The following CCSAP variants were observed in gnomAD, a reference collection of about 807,000 sequenced individuals.
CCSAP encodes the protein centriole, cilia and spindle associated protein, also known as centriole, cilia and spindle-associated protein.
A neutral mutation model predicts 25.9 loss-of-function variants in CCSAP; 17 were observed. The observed-to-expected ratio is 0.66, with a 90% CI of 0.45 to 0.99. The LOEUF (loss-of-function observed/expected upper bound fraction) is 0.99, where lower values mean the gene tolerates loss of function less well. Among genes scored for constraint, CCSAP ranks in the 50% least tolerant of loss-of-function variants. CCSAP has a pLI of 0.00. For missense variants in CCSAP, 339 were observed against 367.8 expected (o/e 0.92, Z 0.64); for synonymous variants, 169 against 157.1 (o/e 1.08, Z -0.57).
intron 3 of CCSAP, among the ~76,000 whole-genome samples, chr1:229,326,397 C>CACTGGA (rs1657941004): frequency 6.6e-6 from 1 of 152,206 alleles, no homozygotes; most frequent in Non-Finnish European, 1.5e-5. Flanking sequence ...CCAGATGGGC[C>CACTGGA]GTCGCCAGCC....
chr1:229,330,800 G>A (rs186528501), intron 2 of CCSAP, among the ~76,000 whole-genome samples: 54 of 150,282 alleles, frequency 3.6e-4, no homozygotes, highest in Admixed American at 6.0e-4. Flanking sequence ...AGCCGAGATC[G>A]TGCCACTGCA....
chr1:229,329,117 G>A (rs1235449452), intron 2 of CCSAP, among the ~76,000 whole-genome samples: 1 of 152,216 alleles, frequency 6.6e-6, no homozygotes, highest in Non-Finnish European at 1.5e-5. Flanking sequence ...AAAGAGAAGT[G>A]GGGAAGTGCA....
chr1:229,333,276 CA>C (rs373886100), intron 2 of CCSAP, among the ~76,000 whole-genome samples: 11,008 of 151,524 alleles, frequency 0.073, 534 homozygotes, highest in Middle Eastern at 0.14. Flanking sequence ...ACTAAAAATA[CA>C]AAAAAATTAG....
In CCSAP at chr1:229,342,127, G is replaced by T. The variant is rs749657408; in HGVS notation, c.339C>A (p.Ala113=). Residue 113 remains alanine, a synonymous_variant, in exon 2 of 4, where the codon GCC becomes GCA. Coordinates refer to ENST00000284617, the MANE Select transcript of CCSAP (RefSeq NM_145257.5). This position sits in a 1 kb window ranked among gnomAD's most constrained non-coding sequence, Gnocchi z 7.5. The stretch of plus-strand genomic sequence containing the variant: ...GCAGAGCCGCGTCCTCCGCGTCCTC[G>T]GCCTCCGCGTCCCCGGCCTCCGCGT... ...EQDAEAGDAE[A]EDAEDAALPA... 3.7e-6 allele frequency: 5 copies of T among 1,341,820 alleles called. No homozygotes were observed. In the South Asian group the frequency reaches 8.3e-5, roughly 22 times the overall value. The allele number at this position is 1,341,820 out of a possible 1,614,324, so 83.1% of individuals were successfully genotyped here.
intron 2 of CCSAP, among the ~76,000 whole-genome samples, chr1:229,337,704 T>C (rs866349071): frequency 5.2e-5 from 3 of 57,410 alleles, no homozygotes; most frequent in Admixed American, 2.0e-4. Context: ...TATATACACA[T>C]ACATATATAT....
intron 2 of CCSAP, among the ~76,000 whole-genome samples, chr1:229,333,263 T>A (rs1658118402): frequency 6.6e-6 from 1 of 151,122 alleles, no homozygotes; most frequent in Non-Finnish European, 1.5e-5. Flanking sequence ...AAACCCCGTC[T>A]CTACTAAAAA....
Position 229,342,557 on chromosome 1 carries a change from G to T in CCSAP, c.-48-44C>A. ...GACACAGAGGCCGCCCCGCCCCTCCGCCGGCCCTGCCCGCCGCGACGTTTA... is the reference window on the plus strand; with the variant it reads ...GACACAGAGGCCGCCCCGCCCCTCCTCCGGCCCTGCCCGCCGCGACGTTTA... On this transcript the variant is annotated intron_variant, in intron 1 of 3. Transcript: ENST00000284617. The surrounding 1 kb of genome is among the most constrained non-coding windows in gnomAD (Gnocchi z 7.5). 1.2e-6 allele frequency: 1 copy of T among 857,440 alleles called. No individual in the cohort carries two copies. The highest frequency in any genetic ancestry group is 1.8e-5 in the African/African-American group (1 of 56,970). 53.1% of individuals were successfully genotyped at this position (857,440 alleles called of 1,614,324 possible).
In CCSAP at chr1:229,342,454, C is replaced by A. The variant is rs758851743; in HGVS notation, c.12G>T (p.Gly4=). The part of the protein sequence containing the change: MSP[G]SGVKSEYMKR... ...TCATGTACTCGCTCTTCACCCCGCTCCCCGGGGACATGGTGCCGTCCGCCG... is the reference window on the plus strand; with the variant it reads ...TCATGTACTCGCTCTTCACCCCGCTACCCGGGGACATGGTGCCGTCCGCCG... Residue 4 remains glycine, a synonymous_variant, in exon 2 of 4, where the codon GGG becomes GGT. Coordinates refer to ENST00000284617, the MANE Select transcript of CCSAP (RefSeq NM_145257.5). The surrounding 1 kb of genome is among the most constrained non-coding windows in gnomAD (Gnocchi z 7.5). 5.8e-6 allele frequency: 8 copies of A among 1,369,864 alleles called. No homozygotes were observed. In the South Asian group the frequency reaches 9.9e-5, roughly 17 times the overall value. The allele number at this position is 1,369,864 out of a possible 1,614,324, so 84.9% of individuals were successfully genotyped here. A position where few individuals can be genotyped will look rare whatever the true frequency, so the allele number is the denominator to read the frequency against.
At chr1:229,327,036 T>C (rs1657956955) in intron 2 of CCSAP, 30 bp from the exon 3 acceptor site, 3 of 1,543,210 alleles carry the variant, frequency 1.9e-6, no homozygotes, top group African/African-American at 1.4e-5. Context: ...GAGATGAAAA[T>C]ACTTTGAAAT....
chr1:229,339,249 G>A (rs927178542), intron 2 of CCSAP, among the ~76,000 whole-genome samples: 18 of 152,214 alleles, frequency 1.2e-4, no homozygotes, highest in South Asian at 2.1e-4. Context: ...AGGCCAAAGA[G>A]AAGACCGTGA....
chr1:229,330,706 G>A (rs543864688), intron 2 of CCSAP, among the ~76,000 whole-genome samples: 6 of 152,130 alleles, frequency 3.9e-5, no homozygotes, highest in East Asian at 3.9e-4. Flanking sequence ...TTAGCCGGGC[G>A]TGGTGGCAGG....
chr1:229,335,558 C>G (rs7524491), intron 2 of CCSAP, among the ~76,000 whole-genome samples: 38,276 of 152,080 alleles, frequency 0.25, 4,792 homozygotes, highest in Admixed American at 0.28. Flanking sequence ...AATAACTTCC[C>G]CAGTGAAGGT....
At chr1:229,337,700 C>CAA (rs1658226621) in intron 2 of CCSAP, among the ~76,000 whole-genome samples, 1 of 45,628 alleles carries the variant, frequency 2.2e-5, no homozygotes, top group African/African-American at 8.4e-5. Context: ...TATATATATA[C>CAA]ACATACATAT....
Position 229,342,799 on chromosome 1 carries a change from C to A in CCSAP, c.-49+113G>T. ...GCGAGGGGACCGCAGGAGACTGGGG[C>A]TGAGCGGGAGGAGGAGCGAGGGAGG... On this transcript the variant is annotated intron_variant, in intron 1 of 3. Transcript: ENST00000284617. The surrounding 1 kb of genome is among the most constrained non-coding windows in gnomAD (Gnocchi z 7.5). 1 of 196,328 alleles carries A rather than the reference C, an allele frequency of 5.1e-6. No individual in the cohort carries two copies. The highest frequency in any genetic ancestry group is 1.0e-5 in the Non-Finnish European group (1 of 97,310). The allele number at this position is 196,328 out of a possible 1,614,324, so 12.2% of individuals were successfully genotyped here. A position where few individuals can be genotyped will look rare whatever the true frequency, so the allele number is the denominator to read the frequency against.
In CCSAP at chr1:229,324,292, C is replaced by T. The variant is rs1657889914; in HGVS notation, c.*943G>A. ...CCCCATCCCAGTGGAACAAGCAATG[C>T]CAATGTACCAAGTGCAATTCCAGAT... On this transcript the variant is annotated 3_prime_UTR_variant, in exon 4 of 4. Coordinates refer to ENST00000284617, the MANE Select transcript of CCSAP (RefSeq NM_145257.5). 6.6e-6 allele frequency: 1 copy of T among 152,360 alleles called. No homozygotes were observed. The highest frequency in any genetic ancestry group is 2.1e-4 in the South Asian group (1 of 4,826). 9.4% of individuals were successfully genotyped at this position (152,360 alleles called of 1,614,324 possible).
In CCSAP at chr1:229,342,435, A is replaced by C; in HGVS notation, c.31T>G (p.Tyr11Asp). The change falls in exon 2 of 4, where the codon TAC becomes GAC. Residue 11 changes from tyrosine to aspartate, a missense_variant. Physicochemically the swap from Tyr to Asp is radical, Grantham distance 160 (BLOSUM62 -3). Coordinates refer to ENST00000284617, the MANE Select transcript of CCSAP (RefSeq NM_145257.5). This position sits in a 1 kb window ranked among gnomAD's most constrained non-coding sequence, Gnocchi z 7.5. MSPGSGVKSEYMKRYQEPRWE... is the reference protein window; with the variant it reads MSPGSGVKSEDMKRYQEPRWE... Reference sequence around the variant, plus strand: ...CGCGGCTCCTGGTAGCGCTTCATGTACTCGCTCTTCACCCCGCTCCCCGGG... The same window carrying C: ...CGCGGCTCCTGGTAGCGCTTCATGTCCTCGCTCTTCACCCCGCTCCCCGGG... 1 of 1,405,854 alleles carries C rather than the reference A, an allele frequency of 7.1e-7. No homozygotes were observed. The highest frequency in any genetic ancestry group is 9.3e-7 in the Non-Finnish European group (1 of 1,073,118). 87.1% of individuals were successfully genotyped at this position (1,405,854 alleles called of 1,614,324 possible). A position where few individuals can be genotyped will look rare whatever the true frequency, so the allele number is the denominator to read the frequency against.
chr1:229,340,938 G>A (rs1658316513), intron 2 of CCSAP, among the ~76,000 whole-genome samples: 4 of 152,182 alleles, frequency 2.6e-5, no homozygotes, highest in African/African-American at 9.7e-5. Context: ...GCTCACTCCT[G>A]TAATCCCAAC....
intron 2 of CCSAP, among the ~76,000 whole-genome samples, chr1:229,330,948 G>A (rs941036162): frequency 2.0e-5 from 3 of 151,962 alleles, no homozygotes; most frequent in African/African-American, 4.8e-5. Flanking sequence ...GGTGCCAGAG[G>A]GGAGGTGTGG....
At chr1:229,336,050 G>A (rs973919895) in intron 2 of CCSAP, among the ~76,000 whole-genome samples, 13 of 151,062 alleles carry the variant, frequency 8.6e-5, no homozygotes, top group African/African-American at 3.2e-4. Flanking sequence ...TAAAGTATCC[G>A]AGGGATGTGC....
Sources: allele counts gnomAD v4.1 joint callset (sites outside exome capture counted in the v4.1 genomes callset), GRCh38; gene constraint gnomAD v4.1.1; non-coding constraint Gnocchi (gnomAD v3.1); transcripts MANE v1.5; gene names NCBI Gene and HGNC (gene_info 2026-07-23, HGNC 2026-07-21).